Variants in CADM2 observed in about 807,000 individuals in gnomAD.
CADM2 encodes the protein cell adhesion molecule 2, also known as immunoglobulin superfamily member 4D.
Under a neutral mutation model 49.8 loss-of-function variants are expected in CADM2, and 12 were observed. The ratio of observed to expected loss-of-function variants is 0.24; its 90% CI spans 0.15 to 0.39. The LOEUF (loss-of-function observed/expected upper bound fraction) is 0.39, where lower values mean the gene tolerates loss of function less well. Ranked by LOEUF, CADM2 falls within the 10% of genes least tolerant of loss-of-function variation. The pLI, the probability that CADM2 is intolerant of heterozygous loss-of-function variation, is 1.00. For missense variants in CADM2, 378 were observed against 492.3 expected (o/e 0.77, Z 2.20); for synonymous variants, 214 against 175.4 (o/e 1.22, Z -1.74).
chr3:85,956,131 G>A (rs1159849977), intron 7 of CADM2, among the ~76,000 whole-genome samples: 2 of 151,620 alleles, frequency 1.3e-5, no homozygotes, highest in Non-Finnish European at 3.0e-5. Flanking sequence ...TAACGTTATC[G>A]TCTCACATCT....
At chr3:85,954,754 A>G (rs769208073) in intron 7 of CADM2, among the ~76,000 whole-genome samples, 20 of 151,240 alleles carry the variant, frequency 1.3e-4, no homozygotes, top group Non-Finnish European at 1.5e-4. Context: ...ATTAATTTAC[A>G]TTTACTTATC....
At chr3:85,089,300 A>T (rs2037504713) in intron 1 of CADM2, among the ~76,000 whole-genome samples, 3 of 152,138 alleles carry the variant, frequency 2.0e-5, no homozygotes, top group Admixed American at 2.0e-4. Context: ...ACTTCTCCAG[A>T]AATTCAAGAC....
At position 86,042,456 on chromosome 3, in the gene CADM2, T is replaced by G. The variant is rs181908518; in HGVS notation, c.971-23149T>G. Among the ~76,000 whole-genome samples, 6 of 152,254 alleles carry G rather than the reference T, an allele frequency of 3.9e-5. No homozygotes were observed. The East Asian group carries it at 1.2e-3, about 29-fold the overall frequency. On this transcript the variant is annotated intron_variant, in intron 8 of 9. Transcript: ENST00000383699. ...TCAGAGAATACTATAAAAGCCTCCA[T>G]GCATATAAATTAGAAAATCTAGAAG...
intron 1 of CADM2, among the ~76,000 whole-genome samples, chr3:85,589,460 T>C (rs2063042950): frequency 6.6e-6 from 1 of 151,984 alleles, no homozygotes; most frequent in South Asian, 2.1e-4. Context: ...ATGATCACCC[T>C]CTGGTACGTG....
chr3:85,906,185 T>C (rs1370385688), intron 5 of CADM2, among the ~76,000 whole-genome samples: 1 of 152,152 alleles, frequency 6.6e-6, no homozygotes, highest in Non-Finnish European at 1.5e-5. Context: ...TAAAACATCA[T>C]TTTAAATATA....
rs145313764 is a variant in CADM2, at chr3:85,810,759, C to T, written c.238+8563C>T. On this transcript the variant is annotated intron_variant, in intron 3 of 9. Transcript: ENST00000383699. ...TTCACCATGTTGACCACGCTGGTCT[C>T]GAACTCCTGACCTCAAGAGATCCGC... Among the ~76,000 whole-genome samples, 8 of 152,012 alleles carry T rather than the reference C, an allele frequency of 5.3e-5. No individual in the cohort carries two copies. In the East Asian group the frequency reaches 1.6e-3, roughly 30 times the overall value.
At chr3:84,994,854 G>A (rs983599792) in intron 1 of CADM2, among the ~76,000 whole-genome samples, 1 of 151,718 alleles carries the variant, frequency 6.6e-6, no homozygotes, top group Non-Finnish European at 1.5e-5. Context: ...CAGTGAAACC[G>A]TGTCTCTACT....
At chr3:85,888,951 A>C (rs1714044018) in intron 5 of CADM2, among the ~76,000 whole-genome samples, 1 of 152,140 alleles carries the variant, frequency 6.6e-6, no homozygotes, top group Non-Finnish European at 1.5e-5. Flanking sequence ...GACACGTTTT[A>C]AAAAGACACT....
chr3:85,974,006 T>C (rs1188100425), intron 8 of CADM2, among the ~76,000 whole-genome samples: 1 of 151,690 alleles, frequency 6.6e-6, no homozygotes, highest in Non-Finnish European at 1.5e-5. Context: ...GAAAAGCTAA[T>C]GAGGGATTGG....
At chr3:85,904,806 T>A (rs1716570498) in intron 5 of CADM2, among the ~76,000 whole-genome samples, 1 of 152,196 alleles carries the variant, frequency 6.6e-6, no homozygotes, top group African/African-American at 2.4e-5. Flanking sequence ...ATATATTCCT[T>A]GCTTTATGTT....
intron 8 of CADM2, among the ~76,000 whole-genome samples, chr3:85,980,474 G>A (rs1559780331): frequency 6.6e-6 from 1 of 151,454 alleles, no homozygotes; most frequent in Non-Finnish European, 1.5e-5. Context: ...CAAGATTGAT[G>A]ACTAAATAAG....
rs988655040 is a variant in CADM2, at chr3:85,418,670, G to C, written c.62-307852G>C. ...GGTAAATTGTTAAAATCTCCAAAAA[G>C]TTGAATAATTCTTGTGTCTATTGAA... On this transcript the variant is annotated intron_variant, in intron 1 of 9. Transcript: ENST00000383699. Among the ~76,000 whole-genome samples the C allele has an allele frequency of 3.3e-5, 5 of 152,128 alleles. No individual in the cohort carries two copies. In the East Asian group the frequency reaches 9.7e-4, roughly 29 times the overall value.
At chr3:85,244,237 C>A (rs974202566) in intron 1 of CADM2, among the ~76,000 whole-genome samples, 1 of 151,942 alleles carries the variant, frequency 6.6e-6, no homozygotes, top group South Asian at 2.1e-4. Context: ...AATAGTATGG[C>A]AAAAAAACTC....
rs1051603723 is a variant in CADM2, at chr3:85,198,467, GT to G, written c.61+238809del. Among the ~76,000 whole-genome samples, 266 of 130,038 alleles carry G rather than the reference GT, an allele frequency of 2.0e-3. 4 individuals are homozygous for G. Among genetic ancestry groups the G allele is most frequent in the Admixed American group, 0.018 (228 of 12,948 alleles). 85.3% of individuals were successfully genotyped at this position (130,038 alleles called of 152,430 possible). A position where few individuals can be genotyped will look rare whatever the true frequency, so the allele number is the denominator to read the frequency against. On this transcript the variant is annotated intron_variant, in intron 1 of 9. Transcript: ENST00000383699. ...GGTCTCACCACGATGTTAATAGCATGTTTTTTTTTTAGTTGCAACAATGCTC... is the reference window on the plus strand; with the variant it reads ...GGTCTCACCACGATGTTAATAGCATGTTTTTTTTTAGTTGCAACAATGCTC...
At chr3:85,109,514 AT>A (rs2038372645) in intron 1 of CADM2, among the ~76,000 whole-genome samples, 1 of 151,966 alleles carries the variant, frequency 6.6e-6, no homozygotes, top group African/African-American at 2.4e-5. Context: ...ACTCATTTAA[AT>A]GGCTTAGTGA....
At chr3:85,129,846 A>G (rs2107607208) in intron 1 of CADM2, among the ~76,000 whole-genome samples, 1 of 152,346 alleles carries the variant, frequency 6.6e-6, no homozygotes, top group South Asian at 2.1e-4. Context: ...CCATGTTTGT[A>G]CTATAACACA....
intron 8 of CADM2, among the ~76,000 whole-genome samples, chr3:85,977,734 G>T (rs1182480536): frequency 2.0e-5 from 3 of 151,382 alleles, no homozygotes; most frequent in Non-Finnish European, 4.4e-5. Flanking sequence ...CGCACTCCAG[G>T]CTTTACCCAT....
intron 1 of CADM2, among the ~76,000 whole-genome samples, chr3:85,620,519 A>G (rs781702930): frequency 8.6e-5 from 13 of 152,034 alleles, no homozygotes; most frequent in Non-Finnish European, 2.9e-5. Flanking sequence ...AAAAAGCAAC[A>G]TAACTGTAAG....
intron 1 of CADM2, among the ~76,000 whole-genome samples, chr3:85,484,540 A>T (rs2039341169): frequency 6.6e-6 from 1 of 151,840 alleles, no homozygotes; most frequent in Admixed American, 6.6e-5. Context: ...ATCCATACTA[A>T]CAAAGTTATT....
Sources: allele counts gnomAD v4.1 joint callset (sites outside exome capture counted in the v4.1 genomes callset), GRCh38; gene constraint gnomAD v4.1.1; transcripts MANE v1.5; gene names NCBI Gene and HGNC (gene_info 2026-07-23, HGNC 2026-07-21).